PPP1R16A: variants seen among roughly 807,000 people sequenced by gnomAD.
PPP1R16A encodes the protein myosin phosphatase-targeting subunit 3.
Under a neutral mutation model 46.6 loss-of-function variants are expected in PPP1R16A, and 39 were observed. The observed-to-expected ratio is 0.84, with a 90% CI of 0.65 to 1.09. The LOEUF (loss-of-function observed/expected upper bound fraction) is 1.09. PPP1R16A is among the 50% of genes least tolerant of loss of function. PPP1R16A has a pLI of 0.00. For synonymous variants in PPP1R16A, 413 were observed against 321.5 expected, an observed-to-expected ratio of 1.28 and a Z score of -3.04; for missense variants, 798 against 735.6, an observed-to-expected ratio of 1.08 and a Z score of -0.98.
In PPP1R16A at chr8:144,493,139, G is replaced by A. The variant is rs532809924; in HGVS notation, c.-735+2927G>A. ...CCTTCCTGAATCCACATGGCCCAGC[G>A]GTATGTAGGCAGTGAGGGGACGGTG... On this transcript the variant is annotated intron_variant, in intron 2 of 11. Transcript: ENST00000435887. The surrounding 1 kb of genome is among the most constrained non-coding windows in gnomAD (Gnocchi z 4.3). Among the ~76,000 whole-genome samples, 66 of 152,216 alleles carry A rather than the reference G, an allele frequency of 4.3e-4. No individual in the cohort carries two copies. The highest frequency in any genetic ancestry group is 4.0e-4 in the Non-Finnish European group (27 of 67,968).
At chr8:144,497,698 G>A (rs1826147955) in intron 3 of PPP1R16A, 4 of 644,926 alleles carry the variant, frequency 6.2e-6, no homozygotes, top group Non-Finnish European at 8.5e-6. Flanking sequence ...GCTGCATGCA[G>A]AGGGCTCCTG....
intron 1 of PPP1R16A, among the ~76,000 whole-genome samples, chr8:144,484,992 G>A (rs1825581353): frequency 1.3e-5 from 2 of 152,264 alleles, no homozygotes; most frequent in South Asian, 4.1e-4. Flanking sequence ...GAGGCCGGGT[G>A]CGTGGCTCAC....
chr8:144,481,855 G>A (rs1825441481), intron 1 of PPP1R16A, among the ~76,000 whole-genome samples: 1 of 151,898 alleles, frequency 6.6e-6, no homozygotes, highest in Admixed American at 6.5e-5. Context: ...TTGGCTCACC[G>A]CATCCTCCGC....
intron 1 of PPP1R16A, among the ~76,000 whole-genome samples, chr8:144,488,105 C>A (rs1448288336): frequency 1.3e-5 from 2 of 152,236 alleles, no homozygotes. Flanking sequence ...ACATCCTCCC[C>A]TGACAGCCTC....
intron 1 of PPP1R16A, among the ~76,000 whole-genome samples, chr8:144,482,464 T>G (rs1472877781): frequency 6.9e-6 from 1 of 145,540 alleles, no homozygotes; most frequent in Non-Finnish European, 1.5e-5. Flanking sequence ...CTTGGCTCAC[T>G]GCAACCTCCA....
chr8:144,500,864 G>A lies in PPP1R16A; in HGVS notation c.930G>A (p.Val310=). The change falls in exon 10 of 12, where the codon GTG becomes GTA. Residue 310 remains valine, a synonymous_variant. Coordinates refer to ENST00000435887, the MANE Select transcript of PPP1R16A (RefSeq NM_001329443.2). The stretch of plus-strand genomic sequence containing the variant: ...CAGATGTGTGCGGGGACGAGGAGGT[G>A]CGGGCCAAGCTGCTGGAGCTGAAGC... ...TPLDVCGDEE[V]RAKLLELKHK... is the part of the protein sequence containing the mutation. The A allele has an allele frequency of 6.4e-7, 1 of 1,568,960 alleles. No individual in the cohort carries two copies. The highest frequency in any genetic ancestry group is 2.4e-5 in the East Asian group (1 of 42,160).
intron 5 of PPP1R16A, chr8:144,499,362 G>A: frequency 2.4e-6 from 1 of 421,432 alleles, no homozygotes; most frequent in Non-Finnish European, 4.3e-6. Context: ...GGGCAGAACT[G>A]CTAAGGAGGG....
Position 144,501,120 on chromosome 8 carries a change from C to T in PPP1R16A, c.1038-9C>T, listed in dbSNP as rs775719240. 128 of 1,610,406 alleles carry T rather than the reference C, an allele frequency of 7.9e-5. 2 individuals carry two copies. In the East Asian group the frequency reaches 2.4e-3, roughly 30 times the overall value. On this transcript the variant is annotated splice_polypyrimidine_tract_variant and intron_variant, in intron 10 of 11. Transcript: ENST00000435887. ...CTTCCCCTCACTCCCTCTCCTCTCT[C>T]CTCCCCAGGAAGGTGGTGAGGCGGG...
chr8:144,492,248 C>T (rs1361365502), intron 2 of PPP1R16A, among the ~76,000 whole-genome samples: 2 of 152,190 alleles, frequency 1.3e-5, no homozygotes, highest in Non-Finnish European at 2.9e-5. Flanking sequence ...CCCTCTGGCT[C>T]CCCAGCACTG....
chr8:144,485,533 A>G (rs929646439), intron 1 of PPP1R16A, among the ~76,000 whole-genome samples: 1 of 151,578 alleles, frequency 6.6e-6, no homozygotes, highest in Admixed American at 6.6e-5. Context: ...CGGGAAAAAA[A>G]AAAACAATAG....
chr8:144,498,996 C>T lies in PPP1R16A; in HGVS notation c.411C>T (p.Cys137=), dbSNP rs756448873. The T allele has an allele frequency of 1.2e-6, 2 of 1,608,824 alleles. No individual in the cohort carries two copies. Among genetic ancestry groups the T allele is most frequent in the Admixed American group, 3.3e-5 (2 of 59,988 alleles). The change falls in exon 5 of 12, where the codon TGC becomes TGT. Residue 137 remains cysteine, a synonymous_variant. Transcript: ENST00000435887. ...GANINACDSE[C]WTPLHAAATC... is the part of the protein sequence containing the mutation. ...ACATCAATGCCTGTGACAGTGAGTGCTGGACGCCTCTGCATGCTGCGGCCA... is the reference window on the plus strand; with the variant it reads ...ACATCAATGCCTGTGACAGTGAGTGTTGGACGCCTCTGCATGCTGCGGCCA...
intron 1 of PPP1R16A, among the ~76,000 whole-genome samples, chr8:144,480,810 T>G (rs530908763): frequency 6.6e-6 from 1 of 151,648 alleles, no homozygotes; most frequent in Admixed American, 6.6e-5. Flanking sequence ...ACATCAAACT[T>G]TATTGAGGTG....
At chr8:144,492,358 G>GTTTTTT (rs1564762989) in intron 2 of PPP1R16A, among the ~76,000 whole-genome samples, 15 of 144,000 alleles carry the variant, frequency 1.0e-4, no homozygotes, top group Non-Finnish European at 1.5e-4. Flanking sequence ...TTTTTTGATA[G>GTTTTTT]GGAGTCTCTC....
intron 11 of PPP1R16A, 33 bp downstream of exon 11, chr8:144,501,327 G>C: frequency 6.5e-7 from 1 of 1,544,150 alleles, no homozygotes; most frequent in South Asian, 1.2e-5. Flanking sequence ...GCCCAGCGCA[G>C]GGGTGGGCCT....
At chr8:144,485,062 C>T (rs968538936) in intron 1 of PPP1R16A, among the ~76,000 whole-genome samples, 8 of 151,708 alleles carry the variant, frequency 5.3e-5, no homozygotes, top group African/African-American at 1.9e-4. Context: ...TGCCAGGGGC[C>T]AGAAAGGAGG....
chr8:144,500,055 G>T, intron 5 of PPP1R16A, 41 bp from the exon 6 acceptor site: 2 of 1,568,014 alleles, frequency 1.3e-6, no homozygotes, highest in Non-Finnish European at 8.7e-7. Flanking sequence ...GGCAAGCGGG[G>T]AAGGGCCTTG....
At chr8:144,491,204 C>CGTATATGT (rs1825799744) in intron 2 of PPP1R16A, among the ~76,000 whole-genome samples, 1 of 152,288 alleles carries the variant, frequency 6.6e-6, no homozygotes, top group African/African-American at 2.4e-5. Context: ...TGTTAACAGA[C>CGTATATGT]GTATATGTAT....
rs1195294538 is a variant in PPP1R16A at position 144,493,425 on chromosome 8, GCT to G, written c.-734-3032_-734-3031del. ...GGTGGGACTACGAGCTGGCCACCAGGCTCTCATGGCTCAGCCAAGGGGCAAGT... is the reference window on the plus strand; with the variant it reads ...GGTGGGACTACGAGCTGGCCACCAGGCTCATGGCTCAGCCAAGGGGCAAGT... On this transcript the variant is annotated intron_variant, in intron 2 of 11. Coordinates refer to ENST00000435887, the MANE Select transcript of PPP1R16A (RefSeq NM_001329443.2). This position sits in a 1 kb window ranked among gnomAD's most constrained non-coding sequence, Gnocchi z 4.3. Among the ~76,000 whole-genome samples, 1 of 152,170 alleles carries G rather than the reference GCT, an allele frequency of 6.6e-6. No individual in the cohort carries two copies. The highest frequency in any genetic ancestry group is 1.5e-5 in the Non-Finnish European group (1 of 67,988).
At position 144,500,907 on chromosome 8, in the gene PPP1R16A, C is replaced by G. The variant is rs1038698903; in HGVS notation, c.973C>G (p.Leu325Val). 7.8e-6 allele frequency: 12 copies of G among 1,536,730 alleles called. No individual in the cohort carries two copies. The highest frequency in any genetic ancestry group is 1.0e-5 in the Non-Finnish European group (12 of 1,144,200). Residue 325 changes from leucine to valine, a missense_variant, in exon 10 of 12, where the codon CTG becomes GTG. Coordinates refer to ENST00000435887, the MANE Select transcript of PPP1R16A (RefSeq NM_001329443.2). ...GCTGAAGCACAAGCACGACGCCCTC[C>G]TGCGCGCCCAGAGCCGCCAGCGCTC... ...LELKHKHDAL[L>V]RAQSRQRSLL...
Sources: allele counts gnomAD v4.1 joint callset (sites outside exome capture counted in the v4.1 genomes callset), GRCh38; gene constraint gnomAD v4.1.1; non-coding constraint Gnocchi (gnomAD v3.1); transcripts MANE v1.5; gene names NCBI Gene and HGNC (gene_info 2026-07-23, HGNC 2026-07-21).